ADARB2: variants seen among roughly 807,000 people sequenced by gnomAD.
The protein encoded by ADARB2 is adenosine deaminase RNA specific B2 (inactive), also known as inactive double-stranded RNA-specific editase B2.
A neutral mutation model predicts 62.2 loss-of-function variants in ADARB2; 25 were observed. That is an observed-to-expected ratio of 0.40 (90% CI 0.29 to 0.56). The LOEUF (loss-of-function observed/expected upper bound fraction) is 0.56. Among genes scored for constraint, ADARB2 ranks in the 20% least tolerant of loss-of-function variants. The pLI is 0.43. For missense variants in ADARB2, 1,071 were observed against 1,077.4 expected (o/e 0.99, Z 0.08); for synonymous variants, 572 against 500.8 (o/e 1.14, Z -1.90).
chr10:1,505,047 CACAG>C (rs1243072480), intron 1 of ADARB2, among the ~76,000 whole-genome samples: 3 of 151,792 alleles, frequency 2.0e-5, no homozygotes, highest in Non-Finnish European at 4.4e-5. Context: ...ATGCACGACA[CACAG>C]ACACATGCAT....
intron 1 of ADARB2, among the ~76,000 whole-genome samples, chr10:1,449,529 A>G (rs760720561): frequency 1.3e-5 from 2 of 152,176 alleles, no homozygotes; most frequent in Non-Finnish European, 2.9e-5. Flanking sequence ...GACCCTCTGC[A>G]CTAGCACATC....
At chr10:1,681,806 C>T (rs1023943894) in intron 1 of ADARB2, among the ~76,000 whole-genome samples, 6 of 152,168 alleles carry the variant, frequency 3.9e-5, no homozygotes, top group Admixed American at 3.9e-4. Flanking sequence ...CAGTGAGGCC[C>T]GGGTGTTTGG....
intron 1 of ADARB2, among the ~76,000 whole-genome samples, chr10:1,406,102 G>A (rs969957500): frequency 2.0e-5 from 3 of 152,178 alleles, no homozygotes; most frequent in Non-Finnish European, 4.4e-5. Context: ...TGTAGACTTG[G>A]GCTATGTGTT....
intron 1 of ADARB2, among the ~76,000 whole-genome samples, chr10:1,547,801 G>A (rs1213128773): frequency 6.7e-6 from 1 of 150,062 alleles, no homozygotes; most frequent in Non-Finnish European, 1.5e-5. Flanking sequence ...GGGGGCAAGA[G>A]GCTGCACAGG....
At chr10:1,493,360 C>A (rs1831645009) in intron 1 of ADARB2, among the ~76,000 whole-genome samples, 1 of 151,978 alleles carries the variant, frequency 6.6e-6, no homozygotes, top group Non-Finnish European at 1.5e-5. Flanking sequence ...TTGTTTATTT[C>A]TTTGGGTATA....
At chr10:1,407,857 A>T (rs1041990011) in intron 1 of ADARB2, among the ~76,000 whole-genome samples, 7 of 152,216 alleles carry the variant, frequency 4.6e-5, no homozygotes, top group Non-Finnish European at 1.5e-5. Flanking sequence ...TGTGGGGGGA[A>T]CTGGGCAGAC....
rs375702561 is a variant in ADARB2 at position 1,217,515 on chromosome 10, G to A, written c.1514-396C>T. 4.1e-4 allele frequency among the ~76,000 whole-genome samples: 62 copies of A among 152,318 alleles called. 1 individual carries two copies. Among genetic ancestry groups the A allele is most frequent in the African/African-American group, 1.5e-3 (61 of 41,564 alleles). ...GCAGTTGGACGTGTCGTTTTCAGAG[G>A]TTGTGAAACACCGTTTTTCTCACTT... On this transcript the variant is annotated intron_variant, in intron 6 of 9. Coordinates refer to ENST00000381312, the MANE Select transcript of ADARB2 (RefSeq NM_018702.4).
chr10:1,413,752 G>C lies in ADARB2; in HGVS notation c.101-34592C>G, dbSNP rs569986722. Among the ~76,000 whole-genome samples, 3 of 152,194 alleles carry C rather than the reference G, an allele frequency of 2.0e-5. No homozygotes were observed. In the East Asian group the frequency reaches 5.8e-4, roughly 29 times the overall value. On this transcript the variant is annotated intron_variant, in intron 1 of 9. Coordinates refer to ENST00000381312, the MANE Select transcript of ADARB2 (RefSeq NM_018702.4). ...CAGACTGAGCGCTGATGATGCTCCC[G>C]GGCACAATGACAAATTCATCGTTTT... is the stretch of plus-strand genomic sequence containing the variant.
chr10:1,415,394 T>G (rs1832793434), intron 1 of ADARB2, among the ~76,000 whole-genome samples: 1 of 152,000 alleles, frequency 6.6e-6, no homozygotes, highest in Admixed American at 6.6e-5. Context: ...AAAGGGTATA[T>G]GGAGAGATGC....
chr10:1,697,716 C>T lies in ADARB2; in HGVS notation c.100+39335G>A, dbSNP rs372328582. ...CAGGATGTGCTGCAGTGTGAGTCCC[C>T]GGCGGGCTGACGGAAAAGCCCGGAA... On this transcript the variant is annotated intron_variant, in intron 1 of 9. Transcript: ENST00000381312. Among the ~76,000 whole-genome samples, 19 of 152,258 alleles carry T rather than the reference C, an allele frequency of 1.2e-4. 1 individual carries two copies. Among genetic ancestry groups the T allele is most frequent in the East Asian group, 9.7e-4 (5 of 5,160 alleles).
intron 1 of ADARB2, among the ~76,000 whole-genome samples, chr10:1,671,541 G>T (rs1834384985): frequency 6.6e-6 from 1 of 152,166 alleles, no homozygotes; most frequent in Admixed American, 6.5e-5. Context: ...GGAGGTGTGA[G>T]ATAGAATCGG....
intron 1 of ADARB2, among the ~76,000 whole-genome samples, chr10:1,547,837 T>G: frequency 1.3e-5 from 2 of 149,998 alleles, no homozygotes; most frequent in African/African-American, 4.9e-5. Flanking sequence ...GAGGGGGAGA[T>G]AGGCATTGGT....
At chr10:1,538,811 CCTGACCCTGGCTGCTGCCGCATGCAGT>C (rs1564322262) in intron 1 of ADARB2, among the ~76,000 whole-genome samples, 30 of 152,226 alleles carry the variant, frequency 2.0e-4, no homozygotes. Flanking sequence ...GCCCATGCCG[CCTGACCCTGGCTGCTGCCGCATGCAGT>C]GGACACTCAG....
At chr10:1,360,157 C>CG (rs112120080) in intron 3 of ADARB2, among the ~76,000 whole-genome samples, 6,414 of 152,308 alleles carry the variant, frequency 0.042, 201 homozygotes, top group African/African-American at 0.081. Context: ...CCTCAAGCAC[C>CG]GGGCCGGCAC....
chr10:1,320,549 G>C (rs535769504), intron 3 of ADARB2, among the ~76,000 whole-genome samples: 5 of 152,330 alleles, frequency 3.3e-5, no homozygotes, highest in African/African-American at 1.2e-4. Context: ...TTGGACCATG[G>C]TGTATCAGAT....
intron 1 of ADARB2, among the ~76,000 whole-genome samples, chr10:1,463,204 G>T (rs943552672): frequency 1.3e-5 from 2 of 152,200 alleles, no homozygotes; most frequent in Non-Finnish European, 2.9e-5. Flanking sequence ...TGCCTGGGTG[G>T]TGTGTGGGGG....
intron 8 of ADARB2, among the ~76,000 whole-genome samples, chr10:1,197,459 T>G (rs536057642): frequency 6.6e-6 from 1 of 152,372 alleles, no homozygotes; most frequent in East Asian, 1.9e-4. Flanking sequence ...CTGTGAAACA[T>G]GGATGCCTGA....
intron 3 of ADARB2, among the ~76,000 whole-genome samples, chr10:1,361,852 C>G (rs182035448): frequency 1.1e-4 from 17 of 152,212 alleles, no homozygotes; most frequent in South Asian, 6.2e-4. Context: ...TGCATACTTA[C>G]GACGAGTCCC....
At chr10:1,508,631 T>C (rs1831882541) in intron 1 of ADARB2, among the ~76,000 whole-genome samples, 1 of 152,106 alleles carries the variant, frequency 6.6e-6, no homozygotes, top group Non-Finnish European at 1.5e-5. Context: ...GTACAAAAAT[T>C]AGCCGGATGT....
Sources: allele counts gnomAD v4.1 joint callset (sites outside exome capture counted in the v4.1 genomes callset), GRCh38; gene constraint gnomAD v4.1.1; transcripts MANE v1.5; gene names NCBI Gene and HGNC (gene_info 2026-07-23, HGNC 2026-07-21).